The following CACNA1B variants were observed in gnomAD, a reference collection of about 807,000 sequenced individuals.
CACNA1B encodes the protein calcium voltage-gated channel subunit alpha1 B.
Under a neutral mutation model 247.2 loss-of-function variants are expected in CACNA1B, and 70 were observed. That is an observed-to-expected ratio of 0.28 (90% confidence interval 0.23 to 0.35). CACNA1B has a LOEUF of 0.35. Among genes scored for constraint, CACNA1B ranks in the 10% least tolerant of loss-of-function variants. The pLI, the probability that CACNA1B is intolerant of heterozygous loss-of-function variation, is 1.00. For synonymous variants in CACNA1B, 1,231 were observed against 1,294.4 expected (o/e 0.95, Z 1.05); for missense variants, 2,367 against 3,197.4 (o/e 0.74, Z 6.26).
chr9:137,960,459 AATGAAGGACACCCAGGAGAG>A (rs1958006639), intron 10 of CACNA1B, among the ~76,000 whole-genome samples: 1 of 15,618 alleles, frequency 6.4e-5, no homozygotes, highest in Non-Finnish European at 1.2e-4. Context: ...GGTCGGCCTG[AATGAAGGACACCCAGGAGAG>A]GGGAGATGCG....
At chr9:138,037,330 A>G (rs976719902) in intron 20 of CACNA1B, among the ~76,000 whole-genome samples, 2 of 152,162 alleles carry the variant, frequency 1.3e-5, no homozygotes, top group Non-Finnish European at 2.9e-5. Context: ...AGCACCCACT[A>G]GTTGTGACAA....
At chr9:137,943,235 C>T (rs1200670405) in intron 6 of CACNA1B, among the ~76,000 whole-genome samples, 3 of 152,084 alleles carry the variant, frequency 2.0e-5, no homozygotes, top group African/African-American at 7.2e-5. Context: ...ATTATGGACT[C>T]TTACGAGAGC....
At chr9:137,987,458 A>C in intron 15 of CACNA1B, among the ~76,000 whole-genome samples, 1 of 152,094 alleles carries the variant, frequency 6.6e-6, no homozygotes, top group Non-Finnish European at 1.5e-5. Context: ...GACTGGCCTT[A>C]CTGATGAGAG....
In CACNA1B at chr9:138,058,326, C is replaced by T; in HGVS notation, c.4308+76C>T. ...TCAGGCTTCCCTCCTGCACACAAAT[C>T]ACTCACAGCTGGGTCAGCTTTGGCT... On this transcript the variant is annotated intron_variant, in intron 28 of 46. Transcript: ENST00000371372. This position sits in a 1 kb window ranked among gnomAD's most constrained non-coding sequence, Gnocchi z 4.7. 7.8e-7 allele frequency: 1 copy of T among 1,286,678 alleles called. No individual in the cohort carries two copies. The highest frequency in any genetic ancestry group is 1.2e-5 in the South Asian group (1 of 82,152). The allele number at this position is 1,286,678 out of a possible 1,614,324, so 79.7% of individuals were successfully genotyped here. A position where few individuals can be genotyped will look rare whatever the true frequency, so the allele number is the denominator to read the frequency against.
At position 137,881,269 on chromosome 9, in the gene CACNA1B, TC is replaced by T. The variant is rs1351966478; in HGVS notation, c.391-1474del. ...AAGAGCATGGGCGAGTCAGCACGGG[TC>T]ATGATGGACCCTTGGGTGCTGGTAG... On this transcript the variant is annotated intron_variant, in intron 2 of 46. Transcript: ENST00000371372. This position sits in a 1 kb window ranked among gnomAD's most constrained non-coding sequence, Gnocchi z 4.3. Among the ~76,000 whole-genome samples, 4 of 151,968 alleles carry T rather than the reference TC, an allele frequency of 2.6e-5. No individual in the cohort carries two copies. Among genetic ancestry groups the T allele is most frequent in the African/African-American group, 9.7e-5 (4 of 41,374 alleles).
chr9:138,112,444 T>C lies in CACNA1B; in HGVS notation c.5475T>C (p.Ile1825=), dbSNP rs1371694252. ...GTGACGCGGAGTTGAGGAAGGAGAT[T>C]TCCGTTGTGTGGGCCAATCTGCCCC... ...HQCDAELRKE[I]SVVWANLPQK... Residue 1825 remains isoleucine (I), a synonymous_variant, in exon 40 of 47, where the codon ATT becomes ATC. Coordinates refer to ENST00000371372, the MANE Select transcript of CACNA1B (RefSeq NM_000718.4). 6.2e-7 allele frequency: 1 copy of C among 1,613,788 alleles called. No individual in the cohort carries two copies. Among genetic ancestry groups the C allele is most frequent in the African/African-American group, 1.3e-5 (1 of 75,022 alleles).
chr9:137,996,220 GCAGCA>G (rs1310292263), intron 15 of CACNA1B, among the ~76,000 whole-genome samples: 1 of 152,196 alleles, frequency 6.6e-6, no homozygotes, highest in Non-Finnish European at 1.5e-5. Context: ...CATGTTTATA[GCAGCA>G]CAATTTGGAA....
At chr9:137,987,583 T>G (rs746722234) in intron 15 of CACNA1B, among the ~76,000 whole-genome samples, 3 of 152,170 alleles carry the variant, frequency 2.0e-5, no homozygotes, top group Non-Finnish European at 4.4e-5. Context: ...ACAGGCTGTG[T>G]TTGCTGCAGG....
chr9:138,117,393 C>T (rs966026861), intron 42 of CACNA1B, among the ~76,000 whole-genome samples: 13 of 152,266 alleles, frequency 8.5e-5, no homozygotes, highest in South Asian at 2.1e-4. Flanking sequence ...CCCTACCCCC[C>T]GTCCCAGCCC....
intron 3 of CACNA1B, chr9:137,892,246 C>T (rs1205965369): frequency 4.4e-6 from 2 of 456,698 alleles, no homozygotes; most frequent in African/African-American, 2.0e-5. Context: ...CTTCTCAGTC[C>T]TGGAGGCTGG....
At position 138,083,940 on chromosome 9, in the gene CACNA1B, C is replaced by T. The variant is rs1010311566; in HGVS notation, c.5094+5682C>T. On this transcript the variant is annotated intron_variant, in intron 36 of 46. Coordinates refer to ENST00000371372, the MANE Select transcript of CACNA1B (RefSeq NM_000718.4). ...TACATGGTGCCTTTTCCCCTGGGAC[C>T]CAAGATGCCACTAACCCCTATTGGT... is the stretch of plus-strand genomic sequence containing the variant. 1.1e-4 allele frequency among the ~76,000 whole-genome samples: 17 copies of T among 150,826 alleles called. 1 individual carries two copies. The highest frequency in any genetic ancestry group is 3.7e-4 in the African/African-American group (15 of 40,664).
Position 138,123,696 on chromosome 9 carries a change from C to A in CACNA1B, c.*1697C>A, listed in dbSNP as rs1962177895. 6.6e-6 allele frequency: 1 copy of A among 152,048 alleles called. No individual in the cohort carries two copies. Among genetic ancestry groups the A allele is most frequent in the Admixed American group, 6.6e-5 (1 of 15,248 alleles). 9.4% of individuals were successfully genotyped at this position (152,048 alleles called of 1,614,324 possible). A position where few individuals can be genotyped will look rare whatever the true frequency, so the allele number is the denominator to read the frequency against. On this transcript the variant is annotated 3_prime_UTR_variant, in exon 47 of 47. Transcript: ENST00000371372. ...ACACATTTAATAGAAGTAAAACACA[C>A]AAGACCGCTGCCTGGTCTCGGGGTT...
intron 21 of CACNA1B, 97 bp downstream of exon 21, chr9:138,043,997 C>T (rs1959165127): frequency 6.9e-7 from 1 of 1,446,116 alleles, no homozygotes; most frequent in Non-Finnish European, 9.5e-7. Context: ...ATTCTGCGCA[C>T]TTATGTAGAG....
intron 10 of CACNA1B, among the ~76,000 whole-genome samples, chr9:137,965,907 C>A (rs1278534747): frequency 6.6e-6 from 1 of 152,126 alleles, no homozygotes; most frequent in African/African-American, 2.4e-5. Context: ...TGAAGTTCCT[C>A]TTGTATTTCT....
chr9:138,022,413 C>T (rs949012081), intron 18 of CACNA1B, among the ~76,000 whole-genome samples: 16 of 152,288 alleles, frequency 1.1e-4, no homozygotes, highest in Admixed American at 9.1e-4. Context: ...CCCTTGGCTG[C>T]TGTCTGCTCT....
At position 137,981,479 on chromosome 9, in the gene CACNA1B, T is replaced by G. The variant is rs140514860; in HGVS notation, c.1657-2659T>G. On this transcript the variant is annotated intron_variant, in intron 12 of 46. Coordinates refer to ENST00000371372, the MANE Select transcript of CACNA1B (RefSeq NM_000718.4). ...GATCCCCTGGTTGATTAAGCATGTTTTCTACCTTTTTTTGTGTGTGTGTGT... is the reference window on the plus strand; with the variant it reads ...GATCCCCTGGTTGATTAAGCATGTTGTCTACCTTTTTTTGTGTGTGTGTGT... Among the ~76,000 whole-genome samples, 673 of 152,320 alleles carry G rather than the reference T, an allele frequency of 4.4e-3. 4 individuals are homozygous for G. Among genetic ancestry groups the G allele is most frequent in the African/African-American group, 0.015 (631 of 41,552 alleles).
intron 15 of CACNA1B, among the ~76,000 whole-genome samples, chr9:137,988,495 G>A (rs1958394124): frequency 6.6e-6 from 1 of 152,140 alleles, no homozygotes; most frequent in African/African-American, 2.4e-5. Context: ...GAAGTTGGGA[G>A]GAAAGTGGGC....
In CACNA1B at chr9:137,891,098, G is replaced by GGGCTC. The variant is rs1304374882; in HGVS notation, c.530+8216_530+8220dup. Reference sequence around the variant, plus strand: ...TGGCCTGTGCGTGGCCAGGCAGGTTGGGCTCTCAGGGCGCATGGCTACTTT... The same window carrying GGGCTC: ...TGGCCTGTGCGTGGCCAGGCAGGTTGGGCTCGGCTCTCAGGGCGCATGGCTACTTT... On this transcript the variant is annotated intron_variant, in intron 3 of 46. Coordinates refer to ENST00000371372, the MANE Select transcript of CACNA1B (RefSeq NM_000718.4). This position sits in a 1 kb window ranked among gnomAD's most constrained non-coding sequence, Gnocchi z 4.3. 6 of 152,374 alleles carry GGGCTC rather than the reference G, an allele frequency of 3.9e-5. No individual in the cohort carries two copies. The highest frequency in any genetic ancestry group is 1.4e-4 in the African/African-American group (6 of 41,464). The allele number at this position is 152,374 out of a possible 1,614,324, so 9.4% of individuals were successfully genotyped here. A position where few individuals can be genotyped will look rare whatever the true frequency, so the allele number is the denominator to read the frequency against.
chr9:137,895,389 T>C (rs1957161446), intron 3 of CACNA1B, among the ~76,000 whole-genome samples: 1 of 152,142 alleles, frequency 6.6e-6, no homozygotes. Flanking sequence ...TCTTGATATA[T>C]AAAAAAAATC....
Sources: allele counts gnomAD v4.1 joint callset (sites outside exome capture counted in the v4.1 genomes callset), GRCh38; gene constraint gnomAD v4.1.1; non-coding constraint Gnocchi (gnomAD v3.1); transcripts MANE v1.5; gene names NCBI Gene and HGNC (gene_info 2026-07-23, HGNC 2026-07-21).